Variants in ADCY2 observed in about 807,000 individuals in gnomAD.
ADCY2 encodes adenylate cyclase type 2.
A neutral mutation model predicts 125.2 loss-of-function variants in ADCY2; 31 were observed. The ratio of observed to expected loss-of-function variants is 0.25; its 90% CI spans 0.19 to 0.33. ADCY2 has a LOEUF of 0.33. Ranked by LOEUF, ADCY2 falls within the 10% of genes least tolerant of loss-of-function variation. ADCY2 has a pLI of 1.00. For missense variants in ADCY2, 904 were observed against 1,418.2 expected (o/e 0.64, Z 5.82); for synonymous variants, 512 against 548.4 (o/e 0.93, Z 0.93).
At chr5:7,614,941 G>A (rs577943670) in intron 3 of ADCY2, among the ~76,000 whole-genome samples, 8 of 152,318 alleles carry the variant, frequency 5.3e-5, no homozygotes, top group African/African-American at 1.9e-4. Context: ...AACTTATGAA[G>A]AAAACAGGTT....
At chr5:7,488,775 C>G (rs1162947924) in intron 2 of ADCY2, among the ~76,000 whole-genome samples, 1 of 152,150 alleles carries the variant, frequency 6.6e-6, no homozygotes, top group Non-Finnish European at 1.5e-5. Flanking sequence ...GCCCCTAGAT[C>G]CCTTTGCCCA....
intron 2 of ADCY2, among the ~76,000 whole-genome samples, chr5:7,431,675 A>G (rs1740607953): frequency 6.6e-6 from 1 of 152,202 alleles, no homozygotes; most frequent in Non-Finnish European, 1.5e-5. Context: ...GCAAATCATT[A>G]TAAAATCTGA....
At chr5:7,507,435 C>T (rs1233689760) in intron 2 of ADCY2, among the ~76,000 whole-genome samples, 8 of 79,020 alleles carry the variant, frequency 1.0e-4, no homozygotes, top group African/African-American at 3.2e-4. Context: ...AGCGAGACTC[C>T]GTCTCAAAAA....
intron 2 of ADCY2, among the ~76,000 whole-genome samples, chr5:7,513,078 G>GACACACACACACAC (rs142515106): frequency 7.4e-4 from 92 of 124,068 alleles, no homozygotes; most frequent in African/African-American, 2.2e-3. Context: ...GAAAATACAT[G>GACACACACACACAC]ACACACACAC....
intron 3 of ADCY2, among the ~76,000 whole-genome samples, chr5:7,624,261 C>G (rs1738050828): frequency 6.6e-6 from 1 of 152,172 alleles, no homozygotes; most frequent in African/African-American, 2.4e-5. Flanking sequence ...GTTCAGAACC[C>G]TTTGAGAGAT....
intron 3 of ADCY2, among the ~76,000 whole-genome samples, chr5:7,570,215 A>G (rs956677046): frequency 2.6e-5 from 4 of 152,096 alleles, no homozygotes; most frequent in African/African-American, 9.7e-5. Flanking sequence ...TCTAGGGGCA[A>G]AATGAAAACA....
intron 2 of ADCY2, among the ~76,000 whole-genome samples, chr5:7,459,577 A>G (rs1413770123): frequency 6.6e-6 from 1 of 152,066 alleles, no homozygotes; most frequent in African/African-American, 2.4e-5. Flanking sequence ...TAAGAACAGT[A>G]TTGGCAACTT....
intron 16 of ADCY2, among the ~76,000 whole-genome samples, chr5:7,760,453 C>G (rs1743158706): frequency 1.3e-5 from 2 of 152,210 alleles, no homozygotes; most frequent in Non-Finnish European, 2.9e-5. Context: ...GTGACTGACA[C>G]ATGCCCGTAA....
chr5:7,769,342 A>T (rs1316255020), intron 17 of ADCY2, among the ~76,000 whole-genome samples: 1 of 152,194 alleles, frequency 6.6e-6, no homozygotes, highest in Admixed American at 6.5e-5. Context: ...ACCATATAAG[A>T]CATTGTAAAA....
At chr5:7,625,747 G>C (rs1738097244) in intron 3 of ADCY2, among the ~76,000 whole-genome samples, 4 of 152,176 alleles carry the variant, frequency 2.6e-5, no homozygotes, top group Admixed American at 2.6e-4. Context: ...GGGCAGCTCT[G>C]CTCCATGTGT....
chr5:7,443,434 C>T (rs1215305016), intron 2 of ADCY2, among the ~76,000 whole-genome samples: 13 of 151,566 alleles, frequency 8.6e-5, no homozygotes, highest in African/African-American at 2.2e-4. Flanking sequence ...GGGTGGATCA[C>T]GAGGTCAGGA....
At chr5:7,794,861 A>G (rs1443849037) in intron 20 of ADCY2, 1 of 152,116 alleles carries the variant, frequency 6.6e-6, no homozygotes, top group Admixed American at 6.5e-5. Context: ...ATGCTGTTTA[A>G]GAGTGTAGCT....
chr5:7,431,639 C>G (rs537334468), intron 2 of ADCY2, among the ~76,000 whole-genome samples: 3 of 150,674 alleles, frequency 2.0e-5, no homozygotes, highest in South Asian at 4.2e-4. Context: ...AATGAAAATG[C>G]AAACCACAGG....
Position 7,598,263 on chromosome 5 carries a change from C to T in ADCY2, c.571-27904C>T, listed in dbSNP as rs1046218283. Among the ~76,000 whole-genome samples the T allele has an allele frequency of 5.9e-5, 9 of 152,218 alleles. No homozygotes were observed. The East Asian group carries it at 1.4e-3, about 23-fold the overall frequency. On this transcript the variant is annotated intron_variant, in intron 3 of 24. Coordinates refer to ENST00000338316, the MANE Select transcript of ADCY2 (RefSeq NM_020546.3). Reference sequence around the variant, plus strand: ...GGGAGCAAGGAGGAGGGCAAAGCCTCGAGGCCAGACTCGTGGGTAACCTCA... The same window carrying T: ...GGGAGCAAGGAGGAGGGCAAAGCCTTGAGGCCAGACTCGTGGGTAACCTCA...
chr5:7,814,455 G>C (rs964688253), intron 22 of ADCY2, among the ~76,000 whole-genome samples: 1 of 151,860 alleles, frequency 6.6e-6, no homozygotes, highest in East Asian at 1.9e-4. Flanking sequence ...TGTTAAACAC[G>C]CTGTGATGTG....
At chr5:7,492,957 C>T (rs912856594) in intron 2 of ADCY2, among the ~76,000 whole-genome samples, 3 of 152,028 alleles carry the variant, frequency 2.0e-5, no homozygotes, top group East Asian at 3.9e-4. Context: ...TGTGAGGGCC[C>T]GGGCTGCATC....
intron 4 of ADCY2, among the ~76,000 whole-genome samples, chr5:7,670,010 C>T (rs1024518890): frequency 2.0e-5 from 3 of 152,214 alleles, no homozygotes; most frequent in African/African-American, 7.2e-5. Flanking sequence ...TATGGCCCAG[C>T]ACATGGTGCC....
At chr5:7,562,484 ATTG>A (rs1735735972) in intron 3 of ADCY2, among the ~76,000 whole-genome samples, 1 of 152,160 alleles carries the variant, frequency 6.6e-6, no homozygotes, top group South Asian at 2.1e-4. Context: ...GTTTAGGGCC[ATTG>A]TTGTACAAAA....
chr5:7,678,684 A>G (rs1228531049), intron 4 of ADCY2, among the ~76,000 whole-genome samples: 2 of 152,228 alleles, frequency 1.3e-5, no homozygotes, highest in African/African-American at 4.8e-5. Flanking sequence ...ATGTCTTACC[A>G]TTTCCTCCTG....
Sources: gnomAD v4.1 joint callset for allele counts (sites outside exome capture counted in the v4.1 genomes callset) on GRCh38, gnomAD v4.1.1 for gene constraint, MANE v1.5 for transcripts, NCBI Gene and HGNC (gene_info 2026-07-23, HGNC 2026-07-21) for gene names.